The following CBR4 variants were observed in gnomAD, a reference collection of about 807,000 sequenced individuals.
CBR4 encodes the protein 3-oxoacyl-[acyl-carrier-protein] reductase.
A neutral mutation model predicts 21.0 loss-of-function variants in CBR4; 22 were observed. The observed-to-expected ratio is 1.05, with a 90% CI of 0.75 to 1.50. The LOEUF is 1.50. CBR4 is among the 40% of genes most tolerant of loss of function. The pLI is 0.00. For synonymous variants in CBR4, 100 were observed against 104.4 expected (o/e 0.96, Z 0.26); for missense variants, 302 against 286.3 (o/e 1.05, Z -0.40).
At chr4:168,954,080 T>A (rs2126709538) in intron 2 of CBR4, among the ~76,000 whole-genome samples, 1 of 152,044 alleles carries the variant, frequency 6.6e-6, no homozygotes, top group Admixed American at 6.6e-5. Context: ...ATTTATGGAA[T>A]CCACCAACAG....
intron 2 of CBR4, among the ~76,000 whole-genome samples, chr4:168,931,535 G>T (rs561348653): frequency 3.9e-5 from 6 of 152,030 alleles, no homozygotes; most frequent in African/African-American, 1.4e-4. Flanking sequence ...CAACCCCCAT[G>T]GACACACCCC....
At chr4:168,907,844 A>C (rs571378245) in intron 2 of CBR4, among the ~76,000 whole-genome samples, 5 of 152,306 alleles carry the variant, frequency 3.3e-5, no homozygotes, top group African/African-American at 1.2e-4. Context: ...AAAGGAGAAA[A>C]AAAAAAGATT....
Position 169,010,217 on chromosome 4 carries a change from A to T in CBR4, c.-128T>A, listed in dbSNP as rs183768007. On this transcript the variant is annotated 5_prime_UTR_variant, in exon 1 of 5. Transcript: ENST00000306193. ...AAAAAAAAGGCAAACCGCAAAAAAA[A>T]ATAACGCCGCTCGACACCTCCTGCA... The T allele has an allele frequency of 6.3e-5, 54 of 856,744 alleles. No homozygotes were observed. In the African/African-American group the frequency reaches 7.4e-4, roughly 12 times the overall value. The allele number at this position is 856,744 out of a possible 1,614,324, so 53.1% of individuals were successfully genotyped here.
intron 2 of CBR4, chr4:168,925,499 G>A (rs1762400700): frequency 7.4e-6 from 4 of 539,944 alleles, no homozygotes; most frequent in African/African-American, 1.9e-5. Flanking sequence ...CACTCTAAAC[G>A]TGTGTTCCAT....
intron 4 of CBR4, among the ~76,000 whole-genome samples, chr4:168,997,983 A>G (rs1471024738): frequency 6.6e-6 from 1 of 152,212 alleles, no homozygotes; most frequent in Non-Finnish European, 1.5e-5. Flanking sequence ...TGTAGAGGGA[A>G]GCAGAGTGGG....
At chr4:168,950,201 G>A (rs536238413) in intron 2 of CBR4, among the ~76,000 whole-genome samples, 17 of 152,044 alleles carry the variant, frequency 1.1e-4, no homozygotes, top group Non-Finnish European at 2.2e-4. Flanking sequence ...AGTTCCTTGA[G>A]GTGTGGCCTT....
At chr4:168,965,904 A>T (rs1268921886) in intron 2 of CBR4, among the ~76,000 whole-genome samples, 1 of 152,194 alleles carries the variant, frequency 6.6e-6, no homozygotes, top group Non-Finnish European at 1.5e-5. Context: ...GACAAATGGG[A>T]TCTAATTAAA....
chr4:168,947,183 A>T (rs1245479846), intron 2 of CBR4, among the ~76,000 whole-genome samples: 2 of 152,020 alleles, frequency 1.3e-5, no homozygotes, highest in Non-Finnish European at 2.9e-5. Context: ...ATCACTTTGA[A>T]TGTACAGTTT....
intron 2 of CBR4, among the ~76,000 whole-genome samples, chr4:168,982,269 T>G: frequency 6.6e-6 from 1 of 152,160 alleles, no homozygotes; most frequent in East Asian, 1.9e-4. Context: ...GTTGCTATTC[T>G]TATTCCAGAC....
chr4:168,896,540 C>T lies in CBR4; in HGVS notation n.170-1775G>A, dbSNP rs1755215469. 6 of 1,456,066 alleles carry T rather than the reference C, an allele frequency of 4.1e-6. No homozygotes were observed. The African/African-American group carries it at 5.6e-5, about 14-fold the overall frequency. 90.2% of individuals were successfully genotyped at this position (1,456,066 alleles called of 1,614,324 possible). On this transcript the variant is annotated intron_variant and non_coding_transcript_variant, in intron 2 of 3. Coordinates refer to the CBR4 transcript ENST00000509108. The stretch of plus-strand genomic sequence containing the variant: ...ATTAGTCTTCACATCTTTTTTTCTA[C>T]CATTACAGGACATTGGTTCTCCTCA...
chr4:168,939,532 C>A (rs1357826003), intron 2 of CBR4, among the ~76,000 whole-genome samples: 1 of 152,090 alleles, frequency 6.6e-6, no homozygotes, highest in Non-Finnish European at 1.5e-5. Context: ...GACATGATTG[C>A]ATATATAGAA....
At chr4:168,918,553 A>G (rs1266084960) in intron 2 of CBR4, among the ~76,000 whole-genome samples, 1 of 152,182 alleles carries the variant, frequency 6.6e-6, no homozygotes, top group Non-Finnish European at 1.5e-5. Flanking sequence ...AGTTGGGGAA[A>G]TGTTAGTCAA....
chr4:168,959,724 C>T (rs975754077), intron 2 of CBR4, among the ~76,000 whole-genome samples: 3 of 151,714 alleles, frequency 2.0e-5, no homozygotes, highest in African/African-American at 7.3e-5. Flanking sequence ...TGCCACCATG[C>T]CCGGCTAATT....
chr4:168,955,227 CCTTA>C (rs1243153427), intron 2 of CBR4, among the ~76,000 whole-genome samples: 1 of 152,094 alleles, frequency 6.6e-6, no homozygotes, highest in African/African-American at 2.4e-5. Flanking sequence ...TCCTCCTCTT[CCTTA>C]CTGAGAAGTC....
chr4:168,974,616 T>C (rs1764313656), intron 2 of CBR4, among the ~76,000 whole-genome samples: 1 of 152,144 alleles, frequency 6.6e-6, no homozygotes, highest in South Asian at 2.1e-4. Context: ...TTTATTCTCT[T>C]TTGTCTTTGT....
At chr4:168,907,782 T>C (rs532740729) in intron 2 of CBR4, among the ~76,000 whole-genome samples, 1 of 152,002 alleles carries the variant, frequency 6.6e-6, no homozygotes, top group Non-Finnish European at 1.5e-5. Context: ...TAGAATATCC[T>C]ATCCAACCTG....
chr4:168,965,037 G>A (rs1422021393), intron 2 of CBR4, among the ~76,000 whole-genome samples: 1 of 152,128 alleles, frequency 6.6e-6, no homozygotes, highest in East Asian at 1.9e-4. Context: ...ATCTCCTTAA[G>A]CTGACTTCAG....
At chr4:168,995,236 G>A (rs1217858985) in intron 4 of CBR4, among the ~76,000 whole-genome samples, 4 of 152,122 alleles carry the variant, frequency 2.6e-5, no homozygotes, top group Admixed American at 6.5e-5. Context: ...AAGCACTAAC[G>A]CTAACCTGGG....
intron 2 of CBR4, among the ~76,000 whole-genome samples, chr4:168,940,421 A>T (rs1045364837): frequency 6.6e-6 from 1 of 152,240 alleles, no homozygotes; most frequent in East Asian, 1.9e-4. Context: ...AATGGCAACA[A>T]AAGCCAAAAT....
Sources: allele counts gnomAD v4.1 joint callset (sites outside exome capture counted in the v4.1 genomes callset), GRCh38; gene constraint gnomAD v4.1.1; transcripts MANE v1.5; gene names NCBI Gene and HGNC (gene_info 2026-07-23, HGNC 2026-07-21).